The following STXBP5L variants were observed in gnomAD, a reference collection of about 807,000 sequenced individuals.
STXBP5L encodes syntaxin-binding protein 5-like.
STXBP5L carries 65 observed loss-of-function variants against 144.5 expected under a neutral mutation model. The observed-to-expected ratio is 0.45, with a 90% CI of 0.37 to 0.55. STXBP5L has a LOEUF of 0.55. STXBP5L is among the 20% of genes least tolerant of loss of function. The pLI, the probability that STXBP5L is intolerant of heterozygous loss-of-function variation, is 0.00. For synonymous variants in STXBP5L, 505 were observed against 469.6 expected (o/e 1.08, Z -0.97); for missense variants, 1,298 against 1,405.5 (o/e 0.92, Z 1.22).
At chr3:121,254,820 T>C in intron 15 of STXBP5L, 75 bp from the exon 16 acceptor site, 2 of 1,285,100 alleles carry the variant, frequency 1.6e-6, no homozygotes, top group East Asian at 2.5e-5. Context: ...GTTTAACAAA[T>C]ATATTGGAAA....
At chr3:121,169,533 C>A (rs1384043413) in intron 9 of STXBP5L, among the ~76,000 whole-genome samples, 1 of 152,068 alleles carries the variant, frequency 6.6e-6, no homozygotes, top group East Asian at 1.9e-4. Context: ...AAAGAAAAAG[C>A]AAGAGTTGCA....
chr3:121,385,252 G>C (rs2046402251), intron 22 of STXBP5L, among the ~76,000 whole-genome samples: 1 of 152,114 alleles, frequency 6.6e-6, no homozygotes, highest in South Asian at 2.1e-4. Context: ...CATTTGCTTA[G>C]CTTCTGGTGA....
intron 3 of STXBP5L, among the ~76,000 whole-genome samples, chr3:120,975,711 A>G (rs944522195): frequency 3.3e-5 from 5 of 152,208 alleles, no homozygotes; most frequent in African/African-American, 1.2e-4. Context: ...ATTTTGAGAT[A>G]CGTCCCATCA....
At chr3:121,274,168 T>C (rs2050809755) in intron 18 of STXBP5L, among the ~76,000 whole-genome samples, 1 of 152,202 alleles carries the variant, frequency 6.6e-6, no homozygotes, top group Admixed American at 6.5e-5. Context: ...GCATTGATGT[T>C]TGTATATTTG....
chr3:121,273,299 G>GT (rs887233615), intron 18 of STXBP5L, among the ~76,000 whole-genome samples: 343 of 144,434 alleles, frequency 2.4e-3, no homozygotes, highest in South Asian at 6.5e-3. Flanking sequence ...TTGGATGGCA[G>GT]TTTTTTTTTT....
intron 2 of STXBP5L, among the ~76,000 whole-genome samples, chr3:120,928,639 A>AGTGTGTGTGT (rs71133519): frequency 2.0e-4 from 30 of 147,154 alleles, no homozygotes; most frequent in African/African-American, 5.0e-4. Context: ...TGGTATACAG[A>AGTGTGTGTGT]GTGTGTGTGT....
At chr3:120,982,534 A>T (rs900705170) in intron 3 of STXBP5L, among the ~76,000 whole-genome samples, 1 of 152,178 alleles carries the variant, frequency 6.6e-6, no homozygotes, top group Non-Finnish European at 1.5e-5. Flanking sequence ...TTAGTCAGAC[A>T]TGGTTGTCTA....
chr3:120,928,359 T>C (rs1196274815), intron 2 of STXBP5L, among the ~76,000 whole-genome samples: 1 of 151,644 alleles, frequency 6.6e-6, no homozygotes, highest in Non-Finnish European at 1.5e-5. Context: ...GTCTCTGGGG[T>C]TCAAGCAATT....
intron 20 of STXBP5L, among the ~76,000 whole-genome samples, chr3:121,337,902 G>A (rs1374337891): frequency 6.6e-6 from 1 of 151,952 alleles, no homozygotes; most frequent in Non-Finnish European, 1.5e-5. Flanking sequence ...AACACCAAAA[G>A]GAACACTCAA....
At chr3:121,352,631 G>T (rs185100751) in intron 20 of STXBP5L, among the ~76,000 whole-genome samples, 1 of 152,074 alleles carries the variant, frequency 6.6e-6, no homozygotes, top group Non-Finnish European at 1.5e-5. Flanking sequence ...TCTGCAAACA[G>T]GGACAATTTG....
intron 5 of STXBP5L, among the ~76,000 whole-genome samples, chr3:121,074,591 A>G (rs2107671989): frequency 6.6e-6 from 1 of 152,214 alleles, no homozygotes; most frequent in Middle Eastern, 3.4e-3. Flanking sequence ...ACTGTCTTCC[A>G]CCCAGACCCC....
intron 10 of STXBP5L, among the ~76,000 whole-genome samples, chr3:121,211,327 G>T (rs1482668456): frequency 6.6e-6 from 1 of 152,072 alleles, no homozygotes; most frequent in Non-Finnish European, 1.5e-5. Flanking sequence ...GAGATTTTGG[G>T]CTGAGACGAT....
At chr3:121,342,710 T>A (rs1212967554) in intron 20 of STXBP5L, among the ~76,000 whole-genome samples, 1 of 150,082 alleles carries the variant, frequency 6.7e-6, no homozygotes, top group Admixed American at 6.7e-5. Flanking sequence ...TATACCATGT[T>A]GTATATGTGC....
intron 7 of STXBP5L, among the ~76,000 whole-genome samples, chr3:121,142,773 A>G (rs529850214): frequency 1.2e-4 from 19 of 152,046 alleles, no homozygotes; most frequent in African/African-American, 3.4e-4. Flanking sequence ...AGTTCTAGCA[A>G]TAAATGCTTA....
intron 11 of STXBP5L, among the ~76,000 whole-genome samples, chr3:121,224,831 CAGA>C (rs1038338357): frequency 1.3e-5 from 2 of 152,004 alleles, no homozygotes; most frequent in African/African-American, 4.8e-5. Flanking sequence ...GAAGAGAGAA[CAGA>C]AGACCAACAG....
chr3:121,083,551 T>C (rs966368394), intron 5 of STXBP5L, among the ~76,000 whole-genome samples: 5 of 151,922 alleles, frequency 3.3e-5, no homozygotes, highest in Non-Finnish European at 7.4e-5. Context: ...TTATCCCAGT[T>C]ACTCGGGAGG....
intron 5 of STXBP5L, among the ~76,000 whole-genome samples, chr3:121,082,792 G>A (rs1248257141): frequency 6.6e-6 from 1 of 152,168 alleles, no homozygotes; most frequent in Non-Finnish European, 1.5e-5. Flanking sequence ...TTGTTATTTA[G>A]TGAACAACAT....
At chr3:121,398,943 C>G (rs1171550043) in intron 22 of STXBP5L, among the ~76,000 whole-genome samples, 3 of 152,094 alleles carry the variant, frequency 2.0e-5, no homozygotes, top group Admixed American at 6.5e-5. Flanking sequence ...TCGCTCGAGG[C>G]ACTGCTCGAA....
rs543873511 is a variant in STXBP5L at position 121,315,034 on chromosome 3, G to T, written c.2111-3441G>T. On this transcript the variant is annotated intron_variant, in intron 19 of 26. Coordinates refer to ENST00000471454, the MANE Select transcript of STXBP5L (RefSeq NM_001308330.2). ...AAATAGGAACACTTTTACACTGTTG[G>T]TGGGACTGTAAACTAGTTCAACCAT... is the stretch of plus-strand genomic sequence containing the variant. Among the ~76,000 whole-genome samples, 11 of 152,268 alleles carry T rather than the reference G, an allele frequency of 7.2e-5. No individual in the cohort carries two copies. The East Asian group carries it at 1.4e-3, about 19-fold the overall frequency.
Sources: gnomAD v4.1 joint callset for allele counts (sites outside exome capture counted in the v4.1 genomes callset) on GRCh38, gnomAD v4.1.1 for gene constraint, MANE v1.5 for transcripts, NCBI Gene and HGNC (gene_info 2026-07-23, HGNC 2026-07-21) for gene names.